ST3GAL2: variants seen among roughly 807,000 people sequenced by gnomAD.
The protein encoded by ST3GAL2 is CMP-N-acetylneuraminate-beta-galactosamide-alpha-2,3-sialyltransferase 2.
A neutral mutation model predicts 37.5 loss-of-function variants in ST3GAL2; 16 were observed. That is an observed-to-expected ratio of 0.43 (90% confidence interval 0.29 to 0.65). The LOEUF (loss-of-function observed/expected upper bound fraction) is 0.65, where lower values mean the gene tolerates loss of function less well. Among genes scored for constraint, ST3GAL2 ranks in the 30% least tolerant of loss-of-function variants. The probability of loss-of-function intolerance (pLI) is 0.17; values close to 1 mark genes in which losing one functional copy is unlikely to be tolerated. For missense variants in ST3GAL2, 383 were observed against 487.8 expected, an observed-to-expected ratio of 0.79 and a Z score of 2.02; for synonymous variants, 238 against 202.9, an observed-to-expected ratio of 1.17 and a Z score of -1.47.
chr16:70,428,673 C>T (rs1048146306), intron 1 of ST3GAL2, among the ~76,000 whole-genome samples: 4 of 152,230 alleles, frequency 2.6e-5, no homozygotes, highest in Non-Finnish European at 5.9e-5. Context: ...CCACACGTCC[C>T]CTGCCTTCTC....
intron 1 of ST3GAL2, among the ~76,000 whole-genome samples, chr16:70,404,334 G>A (rs997286714): frequency 6.6e-6 from 1 of 152,196 alleles, no homozygotes; most frequent in Non-Finnish European, 1.5e-5. Context: ...ACAGTGTCAA[G>A]TGTTTGAAAA....
intron 1 of ST3GAL2, among the ~76,000 whole-genome samples, chr16:70,426,383 A>T (rs1472178012): frequency 1.3e-5 from 2 of 150,900 alleles, no homozygotes; most frequent in Non-Finnish European, 2.9e-5. Flanking sequence ...TATTTTTCGT[A>T]GACACGGGGT....
intron 1 of ST3GAL2, among the ~76,000 whole-genome samples, chr16:70,407,592 G>A (rs2151668096): frequency 6.6e-6 from 1 of 152,330 alleles, no homozygotes; most frequent in Admixed American, 6.5e-5. Context: ...GGGGCAGCAA[G>A]GGCCTTGAAG....
rs572757150 is a variant in ST3GAL2 at position 70,419,980 on chromosome 16, G to A, written c.-1004+18969C>T. Among the ~76,000 whole-genome samples, 33 of 150,504 alleles carry A rather than the reference G, an allele frequency of 2.2e-4. 1 individual carries two copies. The highest frequency in any genetic ancestry group is 8.4e-4 in the South Asian group (4 of 4,764). ...CCTCCAAAGGGCTCCTATGTTATCA[G>A]TGGGGTAGGGACACCACAACTGACC... is the stretch of plus-strand genomic sequence containing the variant. On this transcript the variant is annotated intron_variant, in intron 1 of 6. Transcript: ENST00000342907.
At chr16:70,411,723 G>A (rs947817398) in intron 1 of ST3GAL2, among the ~76,000 whole-genome samples, 2 of 151,964 alleles carry the variant, frequency 1.3e-5, no homozygotes, top group South Asian at 2.1e-4. Flanking sequence ...GGCCAGGCAC[G>A]GTGGCTCACA....
At chr16:70,414,948 A>G (rs2047665394) in intron 1 of ST3GAL2, among the ~76,000 whole-genome samples, 2 of 152,004 alleles carry the variant, frequency 1.3e-5, no homozygotes, top group Non-Finnish European at 2.9e-5. Flanking sequence ...ATCTCGGCTC[A>G]CTGCAAGCTC....
In ST3GAL2 at chr16:70,417,454, T is replaced by A. The variant is rs373023577; in HGVS notation, c.-1003-17921A>T. Among the ~76,000 whole-genome samples, 27 of 151,776 alleles carry A rather than the reference T, an allele frequency of 1.8e-4. 1 individual carries two copies. Among genetic ancestry groups the A allele is most frequent in the African/African-American group, 6.3e-4 (26 of 41,362 alleles). On this transcript the variant is annotated intron_variant, in intron 1 of 6. Coordinates refer to ENST00000342907, the MANE Select transcript of ST3GAL2 (RefSeq NM_006927.4). The stretch of plus-strand genomic sequence containing the variant: ...CCCAGCAGAGGACGGTGCGCGTCCA[T>A]CCTATGGGACACGGCCGTAACCCCT...
intron 1 of ST3GAL2, among the ~76,000 whole-genome samples, chr16:70,420,506 C>T (rs1597573301): frequency 6.6e-6 from 1 of 152,120 alleles, no homozygotes; most frequent in South Asian, 2.1e-4. Context: ...ATGGGTCCTA[C>T]AAGACAACCT....
chr16:70,404,777 G>A (rs987307967), intron 1 of ST3GAL2, among the ~76,000 whole-genome samples: 1 of 152,194 alleles, frequency 6.6e-6, no homozygotes, highest in South Asian at 2.1e-4. Context: ...GCTCACACCT[G>A]TAATCCCAGC....
At chr16:70,438,593 G>C (rs900162611) in intron 1 of ST3GAL2, among the ~76,000 whole-genome samples, 2 of 152,138 alleles carry the variant, frequency 1.3e-5, no homozygotes, top group Non-Finnish European at 2.9e-5. Flanking sequence ...CAGGGTTAGC[G>C]GTACGAACTA....
At chr16:70,385,994 A>C (rs1461682064) in intron 4 of ST3GAL2, among the ~76,000 whole-genome samples, 1 of 151,998 alleles carries the variant, frequency 6.6e-6, no homozygotes, top group Non-Finnish European at 1.5e-5. Context: ...GGTGTGAGCC[A>C]CTGCACCCGG....
At chr16:70,399,908 C>G (rs997953382) in intron 1 of ST3GAL2, 2 of 153,108 alleles carry the variant, frequency 1.3e-5, no homozygotes, top group African/African-American at 4.8e-5. Flanking sequence ...CTGACTGCCC[C>G]CCACAGCACT....
intron 1 of ST3GAL2, among the ~76,000 whole-genome samples, chr16:70,404,183 T>A (rs1283949774): frequency 6.6e-6 from 1 of 151,244 alleles, no homozygotes; most frequent in African/African-American, 2.4e-5. Context: ...CAGACAAGAG[T>A]AGGCGGCTCA....
intron 4 of ST3GAL2, among the ~76,000 whole-genome samples, chr16:70,385,695 GTTCT>G (rs2047437675): frequency 7.4e-6 from 1 of 134,596 alleles, no homozygotes; most frequent in Admixed American, 7.2e-5. Flanking sequence ...TCCTTTTTTG[GTTCT>G]TTTTTTTTTT....
At chr16:70,390,265 G>T (rs747450160) in intron 3 of ST3GAL2, among the ~76,000 whole-genome samples, 1 of 151,968 alleles carries the variant, frequency 6.6e-6, no homozygotes, top group Non-Finnish European at 1.5e-5. Flanking sequence ...AGAGATAGGG[G>T]TCTCACTGCG....
chr16:70,416,403 A>G (rs1225108305), intron 1 of ST3GAL2, among the ~76,000 whole-genome samples: 1 of 152,336 alleles, frequency 6.6e-6, no homozygotes, highest in Middle Eastern at 3.4e-3. Flanking sequence ...CACTGAAACT[A>G]AAAAGACATG....
chr16:70,429,790 C>T (rs1315961700), intron 1 of ST3GAL2, among the ~76,000 whole-genome samples: 3 of 151,628 alleles, frequency 2.0e-5, no homozygotes, highest in African/African-American at 4.8e-5. Context: ...TACAGGCGCC[C>T]TCCACCACAC....
At chr16:70,383,718 C>G (rs1164240708) in intron 4 of ST3GAL2, among the ~76,000 whole-genome samples, 8 of 151,956 alleles carry the variant, frequency 5.3e-5, no homozygotes, top group African/African-American at 1.7e-4. Context: ...GGATGCCCCC[C>G]ACGCCAGGCC....
chr16:70,385,767 G>T (rs962736766), intron 4 of ST3GAL2, among the ~76,000 whole-genome samples: 1 of 145,466 alleles, frequency 6.9e-6, no homozygotes, highest in Non-Finnish European at 1.5e-5. Flanking sequence ...GCAGTGGCGC[G>T]ATCTGAGCTC....
Sources: gnomAD v4.1 joint callset for allele counts (sites outside exome capture counted in the v4.1 genomes callset) on GRCh38, gnomAD v4.1.1 for gene constraint, MANE v1.5 for transcripts, NCBI Gene and HGNC (gene_info 2026-07-23, HGNC 2026-07-21) for gene names.